Variants in RBFOX1 observed in about 807,000 individuals in gnomAD.
RBFOX1 encodes RNA binding protein fox-1 homolog 1.
A neutral mutation model predicts 57.7 loss-of-function variants in RBFOX1; 8 were observed. The observed-to-expected ratio is 0.14, with a 90% confidence interval of 0.08 to 0.25. RBFOX1 has a LOEUF of 0.25. Among genes scored for constraint, RBFOX1 ranks in the 10% least tolerant of loss-of-function variants. RBFOX1 has a pLI of 1.00. For missense variants in RBFOX1, 611 were observed against 548.5 expected (o/e 1.11, Z -1.14); for synonymous variants, 326 against 222.4 (o/e 1.47, Z -4.15).
chr16:5,913,549 C>G (rs565796131), intron 4 of RBFOX1, among the ~76,000 whole-genome samples: 5 of 152,322 alleles, frequency 3.3e-5, no homozygotes, highest in Admixed American at 6.5e-5. Flanking sequence ...TGATTGAAAA[C>G]TCTCTGAGAT....
At chr16:5,740,070 C>G (rs931494036) in intron 3 of RBFOX1, among the ~76,000 whole-genome samples, 1 of 152,036 alleles carries the variant, frequency 6.6e-6, no homozygotes, top group Non-Finnish European at 1.5e-5. Flanking sequence ...AAACAGAAGC[C>G]CAACGCTTGT....
At chr16:5,968,066 T>G (rs1428346412) in intron 4 of RBFOX1, among the ~76,000 whole-genome samples, 2 of 152,182 alleles carry the variant, frequency 1.3e-5, no homozygotes, top group African/African-American at 4.8e-5. Context: ...CTAAAGCTCA[T>G]TCTCCAGTAC....
At chr16:7,638,433 G>A (rs1394522211) in intron 11 of RBFOX1, among the ~76,000 whole-genome samples, 2 of 152,124 alleles carry the variant, frequency 1.3e-5, no homozygotes, top group African/African-American at 4.8e-5. Flanking sequence ...TACCCCAGAG[G>A]CTGGAAACAG....
intron 4 of RBFOX1, among the ~76,000 whole-genome samples, chr16:7,293,364 G>T (rs2141676248): frequency 6.6e-6 from 1 of 152,224 alleles, no homozygotes; most frequent in Non-Finnish European, 1.5e-5. Context: ...GGTGTCCTTG[G>T]AAGGTCCTAG....
intron 3 of RBFOX1, among the ~76,000 whole-genome samples, chr16:5,734,437 TA>T (rs941302953): frequency 6.6e-6 from 1 of 151,932 alleles, no homozygotes; most frequent in South Asian, 2.1e-4. Flanking sequence ...AAAAATAAAA[TA>T]AAAAGAAAGA....
chr16:6,338,452 G>C (rs1455335477), intron 2 of RBFOX1, among the ~76,000 whole-genome samples: 1 of 152,196 alleles, frequency 6.6e-6, no homozygotes, highest in African/African-American at 2.4e-5. Context: ...ATGGAAATCT[G>C]AATTTTTAAT....
At chr16:7,318,751 G>A (rs1407156213) in intron 4 of RBFOX1, among the ~76,000 whole-genome samples, 2 of 152,132 alleles carry the variant, frequency 1.3e-5, no homozygotes, top group African/African-American at 4.8e-5. Context: ...AGGCTGAAAA[G>A]GCTGTCTTTG....
rs536699172 is a variant in RBFOX1 at position 7,114,194 on chromosome 16, C to T, written c.27+62096C>T. Among the ~76,000 whole-genome samples, 26 of 152,176 alleles carry T rather than the reference C, an allele frequency of 1.7e-4. 1 individual carries two copies. Among genetic ancestry groups the T allele is most frequent in the Non-Finnish European group, 2.6e-4 (18 of 68,010 alleles). ...GTGTTCAGAGGCAGATCAGTCTTTA[C>T]GTGGAGGTGCTAAGGTTGCAAATTA... On this transcript the variant is annotated intron_variant, in intron 4 of 15. Coordinates refer to ENST00000550418, the MANE Select transcript of RBFOX1 (RefSeq NM_018723.4).
At chr16:7,172,637 A>T (rs1331111485) in intron 4 of RBFOX1, among the ~76,000 whole-genome samples, 1 of 152,208 alleles carries the variant, frequency 6.6e-6, no homozygotes, top group Non-Finnish European at 1.5e-5. Context: ...TACTGGGAAC[A>T]CACATCATGC....
chr16:5,728,544 C>G (rs1023757371), intron 3 of RBFOX1, among the ~76,000 whole-genome samples: 1 of 152,182 alleles, frequency 6.6e-6, no homozygotes, highest in African/African-American at 2.4e-5. Flanking sequence ...CAGGTAAGGT[C>G]CCTGTGTTAA....
At chr16:7,179,884 G>C (rs1352303258) in intron 4 of RBFOX1, among the ~76,000 whole-genome samples, 1 of 151,598 alleles carries the variant, frequency 6.6e-6, no homozygotes, top group Non-Finnish European at 1.5e-5. Flanking sequence ...ACAGACATCT[G>C]CCACCACGTC....
At chr16:7,271,023 A>T (rs1047306204) in intron 4 of RBFOX1, among the ~76,000 whole-genome samples, 1 of 152,162 alleles carries the variant, frequency 6.6e-6, no homozygotes, top group Non-Finnish European at 1.5e-5. Flanking sequence ...CCCTGCTTAA[A>T]TTGCTGGGTA....
In RBFOX1 at chr16:7,490,116, A is replaced by G. The variant is rs139113140; in HGVS notation, c.28-28031A>G. ...AACATCTTTGCCATGTGGCTTCTGA[A>G]TGGAGGAGGCTGCAGAACTTCCTTC... is the stretch of plus-strand genomic sequence containing the variant. On this transcript the variant is annotated intron_variant, in intron 4 of 15. Transcript: ENST00000550418. Among the ~76,000 whole-genome samples the G allele has an allele frequency of 1.5e-3, 225 of 152,276 alleles. 1 individual carries two copies. Among genetic ancestry groups the G allele is most frequent in the African/African-American group, 5.1e-3 (211 of 41,558 alleles).
At chr16:7,142,460 C>T (rs1448852038) in intron 4 of RBFOX1, among the ~76,000 whole-genome samples, 1 of 152,132 alleles carries the variant, frequency 6.6e-6, no homozygotes, top group Non-Finnish European at 1.5e-5. Context: ...CTCTGGCTTC[C>T]TGAGAGTCCC....
chr16:6,222,280 G>T (rs536925635), intron 1 of RBFOX1, among the ~76,000 whole-genome samples: 2 of 152,104 alleles, frequency 1.3e-5, no homozygotes, highest in Non-Finnish European at 2.9e-5. Flanking sequence ...AATTATTTCT[G>T]ACCTTCTTCT....
In RBFOX1 at chr16:7,710,521, G is replaced by C. The variant is rs918574445; in HGVS notation, c.1072-102G>C. Reference sequence around the variant, plus strand: ...GATGGGTAGGGGGTGCCTCCATTTCGGTTGGTTTTGAGTGTCTATTTTTCA... The same window carrying C: ...GATGGGTAGGGGGTGCCTCCATTTCCGTTGGTTTTGAGTGTCTATTTTTCA... On this transcript the variant is annotated intron_variant, in intron 15 of 15. Transcript: ENST00000550418. 10 of 1,570,434 alleles carry C rather than the reference G, an allele frequency of 6.4e-6. No individual in the cohort carries two copies. The East Asian group carries it at 9.4e-5, about 15-fold the overall frequency.
chr16:6,897,714 A>G (rs908953891), intron 3 of RBFOX1, among the ~76,000 whole-genome samples: 1 of 151,920 alleles, frequency 6.6e-6, no homozygotes, highest in African/African-American at 2.4e-5. Flanking sequence ...AGTTGCTTGA[A>G]CCCGGGAGGC....
intron 2 of RBFOX1, among the ~76,000 whole-genome samples, chr16:6,521,535 TCTC>T (rs1458348953): frequency 1.6e-5 from 2 of 128,294 alleles, no homozygotes; most frequent in Non-Finnish European, 3.1e-5. Flanking sequence ...CCCTCCTTCC[TCTC>T]CTCTCCTCTC....
At chr16:5,371,197 C>A (rs1020228456) in intron 1 of RBFOX1, among the ~76,000 whole-genome samples, 3 of 152,246 alleles carry the variant, frequency 2.0e-5, no homozygotes, top group Non-Finnish European at 4.4e-5. Flanking sequence ...ATCCGCCCAC[C>A]TTGGCCTCCC....
Sources: gnomAD v4.1 joint callset for allele counts (sites outside exome capture counted in the v4.1 genomes callset) on GRCh38, gnomAD v4.1.1 for gene constraint, MANE v1.5 for transcripts, NCBI Gene and HGNC (gene_info 2026-07-23, HGNC 2026-07-21) for gene names.